The following UST variants were observed in gnomAD, a reference collection of about 807,000 sequenced individuals.
The protein encoded by UST is chondroitin sulfate 2-O-sulfotransferase.
In UST, 21 loss-of-function variants were observed where a neutral mutation model predicts 45.6. The ratio of observed to expected loss-of-function variants is 0.46; its 90% CI spans 0.33 to 0.66. The LOEUF (loss-of-function observed/expected upper bound fraction) is 0.66. Ranked by LOEUF, UST falls within the 30% of genes least tolerant of loss-of-function variation. The probability of loss-of-function intolerance (pLI) is 0.02; values close to 1 mark genes in which losing one functional copy is unlikely to be tolerated. For synonymous variants in UST, 215 were observed against 200.6 expected (o/e 1.07, Z -0.61); for missense variants, 463 against 512.4 (o/e 0.90, Z 0.93).
chr6:149,011,043 A>G (rs1366160847), intron 5 of UST, among the ~76,000 whole-genome samples: 2 of 150,532 alleles, frequency 1.3e-5, no homozygotes, highest in African/African-American at 4.9e-5. Flanking sequence ...TCAGTTTCAG[A>G]ATTTAAGAGC....
At chr6:148,755,212 C>T (rs1227221679) in intron 1 of UST, among the ~76,000 whole-genome samples, 5 of 152,116 alleles carry the variant, frequency 3.3e-5, no homozygotes, top group African/African-American at 1.2e-4. Context: ...TAAGCATTCT[C>T]ATGAAATTGG....
At chr6:148,953,510 C>T (rs769152163) in intron 3 of UST, among the ~76,000 whole-genome samples, 38 of 152,160 alleles carry the variant, frequency 2.5e-4, no homozygotes, top group Non-Finnish European at 5.0e-4. Flanking sequence ...TGGCCAGGCG[C>T]GGAGGCTCAC....
intron 7 of UST, among the ~76,000 whole-genome samples, chr6:149,071,498 T>A (rs1776818017): frequency 1.3e-5 from 2 of 152,044 alleles, no homozygotes; most frequent in African/African-American, 4.8e-5. Context: ...AGACAGGCAA[T>A]AAGAAGAAAA....
intron 1 of UST, among the ~76,000 whole-genome samples, chr6:148,821,241 G>T (rs1777460309): frequency 1.3e-5 from 2 of 151,782 alleles, no homozygotes; most frequent in Admixed American, 6.6e-5. Flanking sequence ...AAAGTGCTGG[G>T]ATTACAGGCA....
chr6:148,935,231 G>A (rs1357680977), intron 2 of UST, among the ~76,000 whole-genome samples: 3 of 152,174 alleles, frequency 2.0e-5, no homozygotes, highest in Admixed American at 2.0e-4. Flanking sequence ...AAGGCAGGCA[G>A]CATAAAAATA....
At chr6:148,838,442 C>T (rs185706183) in intron 1 of UST, among the ~76,000 whole-genome samples, 1 of 152,296 alleles carries the variant, frequency 6.6e-6, no homozygotes, top group Admixed American at 6.5e-5. Flanking sequence ...ATTCCAATCA[C>T]CTAGGGACTT....
intron 1 of UST, among the ~76,000 whole-genome samples, chr6:148,886,727 G>A (rs560620866): frequency 1.1e-4 from 16 of 152,142 alleles, no homozygotes; most frequent in African/African-American, 3.6e-4. Flanking sequence ...ATAATGGTGC[G>A]TGTTACTGTG....
At chr6:148,955,809 C>T (rs1780483554) in intron 4 of UST, 1 of 152,218 alleles carries the variant, frequency 6.6e-6, no homozygotes, top group Admixed American at 6.5e-5. Flanking sequence ...CAAATCTTTA[C>T]AACCAAACAG....
intron 1 of UST, among the ~76,000 whole-genome samples, chr6:148,857,277 A>G (rs1778223467): frequency 6.6e-6 from 1 of 152,154 alleles, no homozygotes; most frequent in Admixed American, 6.5e-5. Flanking sequence ...ACACACATAC[A>G]CACCAAGCTG....
At chr6:148,884,509 G>A (rs911835109) in intron 1 of UST, among the ~76,000 whole-genome samples, 8 of 152,294 alleles carry the variant, frequency 5.3e-5, no homozygotes, top group African/African-American at 1.9e-4. Context: ...AGAGGATAGA[G>A]CCAGTTCAAA....
chr6:149,047,758 A>G (rs1776415100), intron 7 of UST, among the ~76,000 whole-genome samples: 2 of 152,222 alleles, frequency 1.3e-5, no homozygotes, highest in East Asian at 3.8e-4. Context: ...TTTTCCTCAC[A>G]TGAGCATATA....
intron 5 of UST, among the ~76,000 whole-genome samples, chr6:149,010,396 G>A (rs1312078032): frequency 1.3e-5 from 2 of 152,174 alleles, no homozygotes; most frequent in Non-Finnish European, 2.9e-5. Flanking sequence ...CCTTGTTTGA[G>A]TGACACTGTG....
chr6:148,776,815 G>A (rs1776543254), intron 1 of UST, among the ~76,000 whole-genome samples: 1 of 152,176 alleles, frequency 6.6e-6, no homozygotes, highest in African/African-American at 2.4e-5. Flanking sequence ...GAATCTGGCT[G>A]TGATACAGTC....
intron 7 of UST, among the ~76,000 whole-genome samples, chr6:149,044,359 A>G (rs1387331330): frequency 1.3e-5 from 2 of 152,196 alleles, no homozygotes; most frequent in African/African-American, 4.8e-5. Context: ...CTGTTGACAT[A>G]CAGTAGCTTA....
chr6:148,958,699 C>T (rs1252067275), intron 4 of UST, among the ~76,000 whole-genome samples: 1 of 152,176 alleles, frequency 6.6e-6, no homozygotes, highest in Non-Finnish European at 1.5e-5. Context: ...CAACAGACTA[C>T]AATTCAAATT....
chr6:148,806,112 T>G (rs1777140698), intron 1 of UST, among the ~76,000 whole-genome samples: 1 of 151,996 alleles, frequency 6.6e-6, no homozygotes, highest in African/African-American at 2.4e-5. Context: ...GCATATAGTA[T>G]AATTGCGGCT....
At position 149,074,007 on chromosome 6, in the gene UST, C is replaced by G. The variant is rs763772175; in HGVS notation, c.1112C>G (p.Pro371Arg). 4 of 1,614,170 alleles carry G rather than the reference C, an allele frequency of 2.5e-6. No homozygotes were observed. Among genetic ancestry groups the G allele is most frequent in the Non-Finnish European group, 3.4e-6 (4 of 1,180,032 alleles). The change falls in exon 8 of 8, where the codon CCC becomes CGC. Residue 371 changes from proline (P) to arginine (R), a missense_variant. Transcript: ENST00000367463. The stretch of plus-strand genomic sequence containing the variant: ...GGACTTAAGTCTCACGTCAGCAAGC[C>G]CCCCCTGAGGCCACACTTCTTTATC... The part of the protein sequence containing the change: ...KFGLKSHVSK[P>R]PLRPHFFIPT...
intron 4 of UST, among the ~76,000 whole-genome samples, chr6:148,962,511 G>A (rs1257301229): frequency 1.2e-4 from 18 of 152,220 alleles, no homozygotes; most frequent in Admixed American, 1.1e-3. Context: ...TATTACTTTA[G>A]TTGCTGTTTA....
At chr6:148,798,972 CG>C (rs1475143492) in intron 1 of UST, among the ~76,000 whole-genome samples, 1 of 152,088 alleles carries the variant, frequency 6.6e-6, no homozygotes, top group Non-Finnish European at 1.5e-5. Context: ...CGGGTTCAAG[CG>C]ATTCTCCTGC....
Sources: allele counts gnomAD v4.1 joint callset (sites outside exome capture counted in the v4.1 genomes callset), GRCh38; gene constraint gnomAD v4.1.1; transcripts MANE v1.5; gene names NCBI Gene and HGNC (gene_info 2026-07-23, HGNC 2026-07-21).